The following PLD1 variants were observed in gnomAD, a reference collection of about 807,000 sequenced individuals.
The protein encoded by PLD1 is choline phosphatase 1.
A neutral mutation model predicts 137.1 loss-of-function variants in PLD1; 112 were observed. That is an observed-to-expected ratio of 0.82 (90% CI 0.70 to 0.96). The LOEUF (loss-of-function observed/expected upper bound fraction) is 0.96, where lower values mean the gene tolerates loss of function less well. PLD1 is among the 40% of genes least tolerant of loss of function. The pLI, the probability that PLD1 is intolerant of heterozygous loss-of-function variation, is 0.00. For synonymous variants in PLD1, 431 were observed against 454.7 expected (o/e 0.95, Z 0.66); for missense variants, 1,321 against 1,342.0 (o/e 0.98, Z 0.24).
chr3:171,686,323 A>G (rs1714554397), intron 16 of PLD1, among the ~76,000 whole-genome samples: 1 of 151,902 alleles, frequency 6.6e-6, no homozygotes, highest in African/African-American at 2.4e-5. Flanking sequence ...ACTTCCTATC[A>G]CCTACCCCAA....
At chr3:171,639,711 A>G (rs1735565422) in intron 23 of PLD1, among the ~76,000 whole-genome samples, 1 of 124,158 alleles carries the variant, frequency 8.1e-6, no homozygotes, top group Non-Finnish European at 1.7e-5. Context: ...TATATTATAT[A>G]AATATATAAA....
chr3:171,717,899 C>G (rs1717794951), intron 8 of PLD1, among the ~76,000 whole-genome samples: 2 of 152,072 alleles, frequency 1.3e-5, no homozygotes, highest in African/African-American at 4.8e-5. Flanking sequence ...GGAGTATGTT[C>G]CTTCAATGTG....
intron 10 of PLD1, 70 bp downstream of exon 10, chr3:171,709,490 G>T: frequency 7.6e-7 from 1 of 1,318,878 alleles, no homozygotes; most frequent in Non-Finnish European, 1.1e-6. Context: ...ACTGATTCCA[G>T]GTGAATTTAG....
intron 1 of PLD1, among the ~76,000 whole-genome samples, chr3:171,787,538 T>C (rs951462600): frequency 1.3e-5 from 2 of 152,302 alleles, no homozygotes; most frequent in African/African-American, 2.4e-5. Flanking sequence ...AAAAATGTTA[T>C]GGATTTGTGC....
intron 1 of PLD1, among the ~76,000 whole-genome samples, chr3:171,775,308 G>A (rs1334473334): frequency 6.6e-6 from 1 of 151,736 alleles, no homozygotes; most frequent in East Asian, 1.9e-4. Flanking sequence ...TATTAGACCT[G>A]CCACTAGATA....
At chr3:171,726,680 G>A (rs1380374130) in intron 6 of PLD1, among the ~76,000 whole-genome samples, 3 of 152,212 alleles carry the variant, frequency 2.0e-5, no homozygotes, top group Non-Finnish European at 2.9e-5. Flanking sequence ...ATGAGTTGAA[G>A]AGGAAGAGAA....
chr3:171,669,111 C>T (rs1712465142), intron 19 of PLD1, among the ~76,000 whole-genome samples: 1 of 152,122 alleles, frequency 6.6e-6, no homozygotes, highest in South Asian at 2.1e-4. Context: ...AGCAGCAATT[C>T]GTGCTGGTGG....
intron 1 of PLD1, chr3:171,793,959 C>T (rs1359171578): frequency 6.6e-6 from 1 of 152,048 alleles, no homozygotes; most frequent in African/African-American, 2.4e-5. Flanking sequence ...GCCTGGCCAA[C>T]ATGGCAAAAC....
At chr3:171,639,630 T>C (rs1272651074) in intron 23 of PLD1, among the ~76,000 whole-genome samples, 1 of 33,674 alleles carries the variant, frequency 3.0e-5, no homozygotes, top group Non-Finnish European at 4.9e-5. Context: ...ATATATATTC[T>C]ATATAATATA....
intron 11 of PLD1, 114 bp from the exon 12 acceptor site, chr3:171,699,940 T>C: frequency 1.3e-6 from 1 of 760,348 alleles, no homozygotes. Flanking sequence ...CATCCTCCAT[T>C]GTGATGGGTA....
intron 8 of PLD1, among the ~76,000 whole-genome samples, chr3:171,722,061 A>G (rs1718166254): frequency 6.6e-6 from 1 of 152,186 alleles, no homozygotes; most frequent in South Asian, 2.1e-4. Flanking sequence ...GGGAAATATT[A>G]TATACAGATA....
chr3:171,803,518 T>A (rs1465896363), intron 1 of PLD1, among the ~76,000 whole-genome samples: 1 of 152,176 alleles, frequency 6.6e-6, no homozygotes, highest in African/African-American at 2.4e-5. Context: ...GGAGGATCAC[T>A]AGGTCAGGAG....
intron 1 of PLD1, among the ~76,000 whole-genome samples, chr3:171,791,335 A>G (rs1574456): frequency 0.38 from 58,189 of 151,856 alleles, 11,296 homozygotes; most frequent in Middle Eastern, 0.54. Context: ...TCTGGGGTAT[A>G]TTTTTTTGCC....
chr3:171,789,846 T>C (rs1030942330), intron 1 of PLD1: 2 of 152,242 alleles, frequency 1.3e-5, no homozygotes, highest in African/African-American at 2.4e-5. Flanking sequence ...TTTACCTATG[T>C]CTCTCTCTTC....
At chr3:171,653,183 C>T (rs1006610748) in intron 21 of PLD1, 1 of 152,126 alleles carries the variant, frequency 6.6e-6, no homozygotes, top group Non-Finnish European at 1.5e-5. Flanking sequence ...AAAGTTGATA[C>T]AAAGACTGAA....
rs114603340 is a variant in PLD1 at position 171,778,040 on chromosome 3, A to G, written c.-32+32359T>C. Among the ~76,000 whole-genome samples, 1,158 of 152,304 alleles carry G rather than the reference A, an allele frequency of 7.6e-3. 15 individuals carry two copies. Among genetic ancestry groups the G allele is most frequent in the African/African-American group, 0.027 (1,107 of 41,570 alleles). ...GCATATAGCAAAAATTCTACCTTAC[A>G]TTGCATTCATATATGTATTTGTTGC... On this transcript the variant is annotated intron_variant, in intron 1 of 26. Coordinates refer to ENST00000351298, the MANE Select transcript of PLD1 (RefSeq NM_002662.5).
Position 171,636,224 on chromosome 3 carries a change from A to G in PLD1, c.2593+6616T>C, listed in dbSNP as rs536470504. 4.0e-5 allele frequency among the ~76,000 whole-genome samples: 6 copies of G among 151,604 alleles called. No homozygotes were observed. In the East Asian group the frequency reaches 1.2e-3, roughly 29 times the overall value. On this transcript the variant is annotated intron_variant, in intron 23 of 26. Coordinates refer to ENST00000351298, the MANE Select transcript of PLD1 (RefSeq NM_002662.5). ...TGAAATCACGTATGTGACACCTCCA[A>G]TTTGTTCTTATTCAAGATTGTTTTG...
chr3:171,644,499 G>C (rs998895076), intron 22 of PLD1, among the ~76,000 whole-genome samples: 1 of 152,176 alleles, frequency 6.6e-6, no homozygotes, highest in Non-Finnish European at 1.5e-5. Flanking sequence ...CTTGTTGAAG[G>C]ACTTGCTACC....
At chr3:171,607,973 T>C (rs555885581) in intron 25 of PLD1, among the ~76,000 whole-genome samples, 1 of 152,152 alleles carries the variant, frequency 6.6e-6, no homozygotes, top group African/African-American at 2.4e-5. Context: ...AAAAAAATGG[T>C]TGTAGTCTAG....
Sources: gnomAD v4.1 joint callset for allele counts (sites outside exome capture counted in the v4.1 genomes callset) on GRCh38, gnomAD v4.1.1 for gene constraint, MANE v1.5 for transcripts, NCBI Gene and HGNC (gene_info 2026-07-23, HGNC 2026-07-21) for gene names.